The following MSN variants were observed in gnomAD, a reference collection of about 807,000 sequenced individuals.
MSN encodes the protein moesin.
Under a neutral mutation model 48.0 loss-of-function variants are expected in MSN, and 2 were observed. The ratio of observed to expected loss-of-function variants is 0.04; its 90% CI spans 0.02 to 0.13. The LOEUF is 0.13. Among genes scored for constraint, MSN ranks in the 10% least tolerant of loss-of-function variants. The pLI is 1.00. For missense variants in MSN, 267 were observed against 470.1 expected (o/e 0.57, Z 3.99); for synonymous variants, 146 against 166.9 (o/e 0.87, Z 0.97).
At chrX:65,666,164 G>A (rs2070867500), upstream of MSN, among the ~76,000 whole-genome samples, 1 of 108,388 alleles carries the variant, frequency 9.2e-6, no homozygotes, top group African/African-American at 3.4e-5. Flanking sequence ...CATCACACCC[G>A]GCTAATTTTT....
Position 65,594,517 on chromosome X carries a change from G to T in MSN, c.-22+5905G>T, listed in dbSNP as rs186301445. Among the ~76,000 whole-genome samples the T allele has an allele frequency of 4.8e-3, 537 of 111,040 alleles. 2 individuals carry two copies. The highest frequency in any genetic ancestry group is 0.016 in the African/African-American group (474 of 30,461). On this transcript the variant is annotated intron_variant, in intron 1 of 3. Transcript: ENST00000609672. ...GGATATTAGGGTTGAAAGGACCTTT[G>T]GGAATTGGTGGCCCCTACTTGGGTA...
chrX:65,614,667 G>GT (rs747952838), intron 1 of MSN, among the ~76,000 whole-genome samples: 40 of 81,943 alleles, frequency 4.9e-4, no homozygotes, highest in Middle Eastern at 7.0e-3. Context: ...TTGACTCTCT[G>GT]TTTTTTTTTT....
chrX:65,618,846 C>T (rs1471961046), intron 1 of MSN, among the ~76,000 whole-genome samples: 6 of 111,151 alleles, frequency 5.4e-5, no homozygotes, highest in Admixed American at 9.6e-5. Context: ...TGGCTGGTAC[C>T]GGTTGTTCCT....
chrX:65,668,415 G>T (rs998786822), intron 1 of MSN, among the ~76,000 whole-genome samples: 66 of 111,853 alleles, frequency 5.9e-4, no homozygotes, highest in Middle Eastern at 4.6e-3. Flanking sequence ...CGTCATCGAG[G>T]CTGCACCCGA....
In MSN at chrX:65,741,022, C is replaced by A. The variant is rs981389107; in HGVS notation, c.*1129C>A. 66 of 167,153 alleles carry A rather than the reference C, an allele frequency of 3.9e-4. No homozygotes were observed. The highest frequency in any genetic ancestry group is 9.2e-5 in the Non-Finnish European group (8 of 87,309). The allele number at this position is 167,153 out of a possible 1,213,427, so 13.8% of individuals were successfully genotyped here. On this transcript the variant is annotated 3_prime_UTR_variant, in exon 13 of 13. Transcript: ENST00000360270. The stretch of plus-strand genomic sequence containing the variant: ...CTGAGTATGGTGAGAGAAGCCTGTG[C>A]CCTGATCCAAGTTTACTCAACCCTC...
chrX:65,665,183 G>T (rs2070857769), upstream of MSN, among the ~76,000 whole-genome samples: 1 of 112,010 alleles, frequency 8.9e-6, no homozygotes, highest in Admixed American at 9.5e-5. Flanking sequence ...TTTCCAGAAA[G>T]TTGGAGTCGC....
At chrX:65,686,961 A>C (rs2071120599) in intron 1 of MSN, among the ~76,000 whole-genome samples, 2 of 112,502 alleles carry the variant, frequency 1.8e-5, no homozygotes, top group South Asian at 7.2e-4. Context: ...CAGTTATCAG[A>C]AAATGTTCAC....
chrX:65,703,809 C>T (rs938287235), intron 1 of MSN, among the ~76,000 whole-genome samples: 3 of 111,361 alleles, frequency 2.7e-5, no homozygotes, highest in East Asian at 2.8e-4. Flanking sequence ...TGGGCTCAAG[C>T]GGTCTGCTTG....
intron 2 of MSN, among the ~76,000 whole-genome samples, chrX:65,718,833 A>T (rs2071490865): frequency 9.2e-6 from 1 of 108,900 alleles, no homozygotes; most frequent in African/African-American, 3.4e-5. Context: ...AAAAAAAAAA[A>T]AAGTAAAGAA....
chrX:65,694,485 C>T (rs923968221), intron 1 of MSN, among the ~76,000 whole-genome samples: 3 of 110,320 alleles, frequency 2.7e-5, no homozygotes, highest in Non-Finnish European at 3.8e-5. Flanking sequence ...TGCACCACCA[C>T]GCCCGGCTAA....
intron 1 of MSN, chrX:65,716,592 C>T (rs952877928): frequency 4.5e-6 from 2 of 442,991 alleles, no homozygotes; most frequent in African/African-American, 2.4e-5. Flanking sequence ...CTTGTCTGTT[C>T]TTTGGTAAGT....
At chrX:65,738,717 CA>C (rs1226249282) in intron 11 of MSN, 100 bp downstream of exon 11, 72 of 807,447 alleles carry the variant, frequency 8.9e-5, no homozygotes, top group Admixed American at 1.2e-4. Flanking sequence ...CTCCCTCTTT[CA>C]TACTTCCCAC....
At chrX:65,680,725 G>C (rs1014718053) in intron 1 of MSN, among the ~76,000 whole-genome samples, 9 of 110,719 alleles carry the variant, frequency 8.1e-5, no homozygotes, top group African/African-American at 3.0e-4. Flanking sequence ...TTTTCATCCA[G>C]CTTTTTCAGG....
At chrX:65,595,664 G>C (rs1471757387) in intron 1 of MSN, among the ~76,000 whole-genome samples, 1 of 112,487 alleles carries the variant, frequency 8.9e-6, no homozygotes, top group Non-Finnish European at 1.9e-5. Context: ...ATCACTCTGG[G>C]TGTGGCCTCT....
intron 6 of MSN, 146 bp downstream of exon 6, chrX:65,732,130 C>T: frequency 1.7e-6 from 1 of 603,365 alleles, no homozygotes; most frequent in South Asian, 4.0e-5. Flanking sequence ...TTCACAACTT[C>T]CCTTAGTCAA....
chrX:65,624,395 C>T (rs1218807833), intron 1 of MSN, among the ~76,000 whole-genome samples: 1 of 110,344 alleles, frequency 9.1e-6, no homozygotes, highest in Non-Finnish European at 1.9e-5. Flanking sequence ...CTTACTTATT[C>T]CCTCTTTCTT....
At chrX:65,648,142 G>A (rs1040560606) in intron 1 of MSN, among the ~76,000 whole-genome samples, 1 of 109,751 alleles carries the variant, frequency 9.1e-6, no homozygotes, top group Non-Finnish European at 1.9e-5. Context: ...GGGTGGGGGG[G>A]GCGTGAGGAA....
At chrX:65,613,733 A>T (rs1470382590) in intron 1 of MSN, among the ~76,000 whole-genome samples, 1 of 111,650 alleles carries the variant, frequency 9.0e-6, no homozygotes, top group African/African-American at 3.3e-5. Context: ...GATTTTTCTT[A>T]TAAATCTGTT....
intron 10 of MSN, among the ~76,000 whole-genome samples, chrX:65,737,592 A>C (rs966300779): frequency 8.9e-6 from 1 of 111,930 alleles, no homozygotes; most frequent in African/African-American, 3.2e-5. Flanking sequence ...TGACCTGGCA[A>C]AGGAAAGGGA....
Sources: gnomAD v4.1 joint callset for allele counts (sites outside exome capture counted in the v4.1 genomes callset) on GRCh38, gnomAD v4.1.1 for gene constraint, MANE v1.5 for transcripts, NCBI Gene and HGNC (gene_info 2026-07-23, HGNC 2026-07-21) for gene names.